Variants in EPS8 observed in about 807,000 individuals in gnomAD.
EPS8 encodes epidermal growth factor receptor kinase substrate 8.
Under a neutral mutation model 103.8 loss-of-function variants are expected in EPS8, and 42 were observed. The ratio of observed to expected loss-of-function variants is 0.40; its 90% CI spans 0.32 to 0.52. The LOEUF (loss-of-function observed/expected upper bound fraction) is 0.52. Ranked by LOEUF, EPS8 falls within the 20% of genes least tolerant of loss-of-function variation. The pLI is 0.40. For synonymous variants in EPS8, 344 were observed against 344.6 expected (o/e 1.00, Z 0.02); for missense variants, 969 against 1,005.1 (o/e 0.96, Z 0.49).
At position 15,733,239 on chromosome 12, in the gene EPS8, C is replaced by T. The variant is rs1946736344; in HGVS notation, c.-21-50267G>A. On this transcript the variant is annotated intron_variant, in intron 1 of 20. Transcript: ENST00000281172. The surrounding 1 kb of genome is among the most constrained non-coding windows in gnomAD (Gnocchi z 4.8). ...TGAGAGGCCTCAGGAAACTTAGAAT[C>T]ATGGTGGAAGGGGAAGGGGAAGCAA... 6.6e-6 allele frequency among the ~76,000 whole-genome samples: 1 copy of T among 152,162 alleles called. No individual in the cohort carries two copies. Among genetic ancestry groups the T allele is most frequent in the African/African-American group, 2.4e-5 (1 of 41,416 alleles).
intron 1 of EPS8, among the ~76,000 whole-genome samples, chr12:15,723,184 A>T (rs1044022867): frequency 6.6e-6 from 1 of 152,018 alleles, no homozygotes; most frequent in African/African-American, 2.4e-5. Flanking sequence ...GGTGACACAC[A>T]CCTGTAGCTT....
chr12:15,686,010 C>A (rs745714360), intron 1 of EPS8, among the ~76,000 whole-genome samples: 30 of 152,090 alleles, frequency 2.0e-4, no homozygotes, highest in Non-Finnish European at 3.7e-4. Context: ...ACACTAAAGC[C>A]ATCATAATAG....
At chr12:15,687,105 T>G (rs1193412502) in intron 1 of EPS8, among the ~76,000 whole-genome samples, 1 of 152,132 alleles carries the variant, frequency 6.6e-6, no homozygotes, top group East Asian at 1.9e-4. Flanking sequence ...CTAACAATGA[T>G]TTTGTTTCAA....
At chr12:15,729,831 A>G (rs1460565869) in intron 1 of EPS8, among the ~76,000 whole-genome samples, 1 of 152,192 alleles carries the variant, frequency 6.6e-6, no homozygotes, top group Non-Finnish European at 1.5e-5. Flanking sequence ...ACTTTTTATA[A>G]GCAGGAATAC....
chr12:15,735,498 A>G lies in EPS8; in HGVS notation c.-21-52526T>C, dbSNP rs773576959. ...CAGTAACCCTAGGAAGTACTGAAAAAGCTAACATTCTAAGATTAAAACTAT... is the reference window on the plus strand; with the variant it reads ...CAGTAACCCTAGGAAGTACTGAAAAGGCTAACATTCTAAGATTAAAACTAT... On this transcript the variant is annotated intron_variant, in intron 1 of 20. Coordinates refer to ENST00000281172, the MANE Select transcript of EPS8 (RefSeq NM_004447.6). The surrounding 1 kb of genome is among the most constrained non-coding windows in gnomAD (Gnocchi z 4.4). 1.9e-4 allele frequency among the ~76,000 whole-genome samples: 29 copies of G among 152,218 alleles called. No homozygotes were observed. Among genetic ancestry groups the G allele is most frequent in the Non-Finnish European group, 3.4e-4 (23 of 68,040 alleles).
At chr12:15,651,773 A>G (rs1174899083) in intron 13 of EPS8, among the ~76,000 whole-genome samples, 1 of 152,188 alleles carries the variant, frequency 6.6e-6, no homozygotes, top group Non-Finnish European at 1.5e-5. Context: ...GAAATCAGCC[A>G]TTTTATTCAG....
chr12:15,648,412 A>G, intron 14 of EPS8, among the ~76,000 whole-genome samples: 1 of 152,322 alleles, frequency 6.6e-6, no homozygotes, highest in East Asian at 1.9e-4. Context: ...ACATATGGTT[A>G]CCACAGTTAA....
In EPS8 at chr12:15,759,090, T is replaced by C. The variant is rs1345188618; in HGVS notation, c.-22+30071A>G. ...TTTCTCCCTTCTCCAATACTTCTTATATAAACCATATTATCAAAATTAGCT... is the reference window on the plus strand; with the variant it reads ...TTTCTCCCTTCTCCAATACTTCTTACATAAACCATATTATCAAAATTAGCT... On this transcript the variant is annotated intron_variant, in intron 1 of 20. Coordinates refer to ENST00000281172, the MANE Select transcript of EPS8 (RefSeq NM_004447.6). The surrounding 1 kb of genome is among the most constrained non-coding windows in gnomAD (Gnocchi z 4.9). Among the ~76,000 whole-genome samples, 1 of 152,154 alleles carries C rather than the reference T, an allele frequency of 6.6e-6. No homozygotes were observed. Among genetic ancestry groups the C allele is most frequent in the African/African-American group, 2.4e-5 (1 of 41,460 alleles).
intron 1 of EPS8, among the ~76,000 whole-genome samples, chr12:15,746,242 G>A (rs1399416963): frequency 6.6e-6 from 1 of 152,154 alleles, no homozygotes; most frequent in Non-Finnish European, 1.5e-5. Context: ...TAACCAGCTA[G>A]TCAATCCTCT....
chr12:15,730,813 T>C (rs1320950316), intron 1 of EPS8, among the ~76,000 whole-genome samples: 2 of 152,088 alleles, frequency 1.3e-5, no homozygotes, highest in Non-Finnish European at 2.9e-5. Flanking sequence ...ATAATAACTA[T>C]GTCCTCAAAT....
intron 1 of EPS8, among the ~76,000 whole-genome samples, chr12:15,786,427 G>C (rs1182014309): frequency 6.8e-6 from 1 of 146,936 alleles, no homozygotes; most frequent in Non-Finnish European, 1.6e-5. Context: ...GACATTACGA[G>C]GAAATACATT....
chr12:15,654,685 G>A (rs576577645), intron 12 of EPS8, among the ~76,000 whole-genome samples: 4 of 152,096 alleles, frequency 2.6e-5, no homozygotes, highest in South Asian at 2.1e-4. Flanking sequence ...TGAAAAATGC[G>A]GTTCCCGAAA....
chr12:15,720,119 T>C (rs1425230185), intron 1 of EPS8, among the ~76,000 whole-genome samples: 1 of 152,200 alleles, frequency 6.6e-6, no homozygotes, highest in Non-Finnish European at 1.5e-5. Flanking sequence ...CTAAATCTGT[T>C]TGCTTATCTA....
rs79708535 is a variant in EPS8, at chr12:15,658,599, C to A, written c.938-14G>T. ...TTAAAACACCCTCTAATGAAATAAG[C>A]GAGAGGAGAGGATCAGAGCAAAATC... On this transcript the variant is annotated splice_polypyrimidine_tract_variant and intron_variant, in intron 10 of 20. Coordinates refer to ENST00000281172, the MANE Select transcript of EPS8 (RefSeq NM_004447.6). 20 of 1,568,650 alleles carry A rather than the reference C, an allele frequency of 1.3e-5. No homozygotes were observed. Among genetic ancestry groups the A allele is most frequent in the East Asian group, 2.2e-5 (1 of 44,614 alleles).
At chr12:15,732,574 A>G (rs551152135) in intron 1 of EPS8, among the ~76,000 whole-genome samples, 58 of 152,302 alleles carry the variant, frequency 3.8e-4, no homozygotes, top group South Asian at 1.7e-3. Flanking sequence ...GCTACATCCT[A>G]CACTCACTAT....
At chr12:15,689,027 G>A (rs564221484) in intron 1 of EPS8, among the ~76,000 whole-genome samples, 93 of 152,250 alleles carry the variant, frequency 6.1e-4, no homozygotes, top group Non-Finnish European at 1.2e-3. Context: ...AAGCCACACC[G>A]ACATTGCATG....
Position 15,682,882 on chromosome 12 carries a change from T to TTTTTG in EPS8, c.59+10_59+11insCAAAA, listed in dbSNP as rs1946033225. On this transcript the variant is annotated intron_variant, in intron 2 of 20. Coordinates refer to ENST00000281172, the MANE Select transcript of EPS8 (RefSeq NM_004447.6). ...CCCCAAAACATATTAAATATAAACTTTTCAACTTACTTCATCTGAGATGGG... is the reference window on the plus strand; with the variant it reads ...CCCCAAAACATATTAAATATAAACTTTTTTGTTCAACTTACTTCATCTGAGATGGG... The TTTTTG allele has an allele frequency of 7.1e-7, 1 of 1,408,328 alleles. No individual in the cohort carries two copies. Among genetic ancestry groups the TTTTTG allele is most frequent in the Admixed American group, 1.8e-5 (1 of 54,502 alleles). 87.2% of individuals were successfully genotyped at this position (1,408,328 alleles called of 1,614,324 possible).
intron 18 of EPS8, among the ~76,000 whole-genome samples, chr12:15,630,160 T>C (rs1444971596): frequency 1.3e-5 from 2 of 150,748 alleles, no homozygotes; most frequent in Non-Finnish European, 3.0e-5. Flanking sequence ...GAGGGAAAGA[T>C]AGATATCCAT....
At chr12:15,653,798 C>A (rs144670741) in intron 13 of EPS8, among the ~76,000 whole-genome samples, 1 of 151,730 alleles carries the variant, frequency 6.6e-6, no homozygotes, top group Non-Finnish European at 1.5e-5. Flanking sequence ...AAGCACTGTG[C>A]GCGCGCGCGC....
Sources: gnomAD v4.1 joint callset for allele counts (sites outside exome capture counted in the v4.1 genomes callset) on GRCh38, gnomAD v4.1.1 for gene constraint, Gnocchi (gnomAD v3.1) non-coding constraint, MANE v1.5 for transcripts, NCBI Gene and HGNC (gene_info 2026-07-23, HGNC 2026-07-21) for gene names.